The following MXD1 variants were observed in gnomAD, a reference collection of about 807,000 sequenced individuals.
The protein encoded by MXD1 is MAX-binding protein.
MXD1 carries 9 observed loss-of-function variants against 25.7 expected under a neutral mutation model. The ratio of observed to expected loss-of-function variants is 0.35; its 90% CI spans 0.21 to 0.61. The LOEUF is 0.61. Among genes scored for constraint, MXD1 ranks in the 20% least tolerant of loss-of-function variants. The probability of loss-of-function intolerance (pLI) is 0.75; values close to 1 mark genes in which losing one functional copy is unlikely to be tolerated. For synonymous variants in MXD1, 99 were observed against 113.9 expected (o/e 0.87, Z 0.83); for missense variants, 227 against 292.4 (o/e 0.78, Z 1.63).
chr2:69,937,340 C>T lies in MXD1; in HGVS notation c.424C>T (p.Arg142Trp), dbSNP rs753694225. Residue 142 changes from arginine (R) to tryptophan (W), a missense_variant, in exon 5 of 6, where the codon CGG (arginine) becomes TGG (tryptophan). Arg to Trp is a moderately radical substitution (Grantham distance 101). Transcript: ENST00000264444. ...QLEKLGIERI[R>W]MDSIGSTVSS... is the part of the protein sequence containing the mutation. ...GGAGAAGCTGGGCATTGAGAGGATCCGGATGGACAGCATCGGCTCCACCGT... is the reference window on the plus strand; with the variant it reads ...GGAGAAGCTGGGCATTGAGAGGATCTGGATGGACAGCATCGGCTCCACCGT... 5 of 1,614,044 alleles carry T rather than the reference C, an allele frequency of 3.1e-6. No homozygotes were observed. The highest frequency in any genetic ancestry group is 4.5e-5 in the East Asian group (2 of 44,872).
At chr2:69,937,958 G>A (rs1558573629) in intron 5 of MXD1, 139 bp from the exon 6 acceptor site, 3 of 741,248 alleles carry the variant, frequency 4.0e-6, no homozygotes, top group East Asian at 5.6e-5. Context: ...TGTTGGCCCA[G>A]CTGGTCTCAA....
intron 3 of MXD1, among the ~76,000 whole-genome samples, chr2:69,926,279 T>C (rs1677168311): frequency 6.6e-6 from 1 of 152,166 alleles, no homozygotes. Flanking sequence ...TCTAGACTTA[T>C]TCTTCCAGTC....
At chr2:69,935,674 A>T (rs1375634994) in intron 4 of MXD1, among the ~76,000 whole-genome samples, 1 of 152,108 alleles carries the variant, frequency 6.6e-6, no homozygotes, top group Non-Finnish European at 1.5e-5. Flanking sequence ...CCAACTCTCC[A>T]TCCAGTTGTA....
rs78025009 is a variant in MXD1, at chr2:69,923,490, T to C, written c.203+1725T>C. ...TGAAAGTCAGGATCTGAATGATATT[T>C]ATGTTTAATCAGTGAAAGGGCAGAC... is the stretch of plus-strand genomic sequence containing the variant. On this transcript the variant is annotated intron_variant, in intron 3 of 5. Transcript: ENST00000264444. Among the ~76,000 whole-genome samples, 665 of 152,314 alleles carry C rather than the reference T, an allele frequency of 4.4e-3. 4 individuals carry two copies. The highest frequency in any genetic ancestry group is 0.015 in the African/African-American group (640 of 41,562).
intron 3 of MXD1, among the ~76,000 whole-genome samples, chr2:69,927,001 A>C (rs1355143029): frequency 6.6e-6 from 1 of 152,198 alleles, no homozygotes; most frequent in Non-Finnish European, 1.5e-5. Context: ...CCTCTGCCAG[A>C]GTCTTCTGAC....
rs1412831090 is a variant in MXD1, at chr2:69,938,511, A to T, written c.*227A>T. On this transcript the variant is annotated 3_prime_UTR_variant, in exon 6 of 6. Transcript: ENST00000264444. ...TAAAAATTTGTCTCTGAGAGACTAT[A>T]CATTCCAATCAATTTGAAGCATCCA... 5 of 506,492 alleles carry T rather than the reference A, an allele frequency of 9.9e-6. No homozygotes were observed. The Admixed American group carries it at 1.7e-4, about 18-fold the overall frequency. The allele number at this position is 506,492 out of a possible 1,614,324, so 31.4% of individuals were successfully genotyped here. A position where few individuals can be genotyped will look rare whatever the true frequency, so the allele number is the denominator to read the frequency against.
intron 3 of MXD1, among the ~76,000 whole-genome samples, chr2:69,925,181 T>C (rs1677146556): frequency 2.6e-5 from 4 of 152,102 alleles, no homozygotes; most frequent in African/African-American, 9.7e-5. Flanking sequence ...ATGGCCTGTG[T>C]TTCTCTGCAT....
chr2:69,917,367 C>T (rs1371244646), intron 2 of MXD1, among the ~76,000 whole-genome samples: 1 of 152,218 alleles, frequency 6.6e-6, no homozygotes, highest in Non-Finnish European at 1.5e-5. Flanking sequence ...CCCACCTTAG[C>T]ATTACCTGAA....
chr2:69,916,512 A>G, intron 2 of MXD1: 1 of 241,918 alleles, frequency 4.1e-6, no homozygotes, highest in East Asian at 1.2e-4. Flanking sequence ...TTCAAGTGAG[A>G]TTAGCAATGG....
At chr2:69,937,034 C>T in intron 4 of MXD1, 1 of 717,510 alleles carries the variant, frequency 1.4e-6, no homozygotes, top group Non-Finnish European at 2.6e-6. Flanking sequence ...GTACCCCCAG[C>T]ACTGGCGATG....
At chr2:69,920,081 G>C (rs1028954403) in intron 2 of MXD1, among the ~76,000 whole-genome samples, 3 of 152,166 alleles carry the variant, frequency 2.0e-5, no homozygotes, top group African/African-American at 7.2e-5. Context: ...CACGATCTCA[G>C]CTCACTGCAA....
At chr2:69,926,835 T>A (rs773531708) in intron 3 of MXD1, among the ~76,000 whole-genome samples, 79 of 152,324 alleles carry the variant, frequency 5.2e-4, no homozygotes, top group Non-Finnish European at 9.4e-4. Context: ...AGCAAACACA[T>A]ATAAGCTACA....
At chr2:69,938,059 G>T in intron 5 of MXD1, 38 bp from the exon 6 acceptor site, 4 of 1,596,742 alleles carry the variant, frequency 2.5e-6, no homozygotes, top group Non-Finnish European at 3.4e-6. Flanking sequence ...TCTGCAGAGC[G>T]CTTTCATCAA....
rs528810377 is a variant in MXD1, at chr2:69,933,218, A to C, written c.204-2133A>C. On this transcript the variant is annotated intron_variant, in intron 3 of 5. Transcript: ENST00000264444. ...TCTGTCTCAAAAAAAAAAAAAAAAAAAAAAAACAAAAAAAGAAAATTAGTC... is the reference window on the plus strand; with the variant it reads ...TCTGTCTCAAAAAAAAAAAAAAAAACAAAAAACAAAAAAAGAAAATTAGTC... 4.3e-3 allele frequency among the ~76,000 whole-genome samples: 656 copies of C among 151,338 alleles called. 7 individuals carry two copies. Among genetic ancestry groups the C allele is most frequent in the African/African-American group, 0.013 (523 of 41,294 alleles).
rs968384555 is a variant in MXD1, at chr2:69,940,488, T to C, written c.*2204T>C. ...ACTGGGGGAGGGAAGGGAACAAAAT[T>C]TGTGTACTTCTTTGTTTAATTTAGA... On this transcript the variant is annotated 3_prime_UTR_variant, in exon 6 of 6. Coordinates refer to ENST00000264444, the MANE Select transcript of MXD1 (RefSeq NM_002357.4). The C allele has an allele frequency of 6.6e-6, 1 of 152,562 alleles. No homozygotes were observed. The highest frequency in any genetic ancestry group is 2.1e-4 in the South Asian group (1 of 4,834). 9.5% of individuals were successfully genotyped at this position (152,562 alleles called of 1,614,324 possible). A position where few individuals can be genotyped will look rare whatever the true frequency, so the allele number is the denominator to read the frequency against.
chr2:69,915,575 C>T lies in MXD1; in HGVS notation c.73+172C>T, dbSNP rs2104152389. Among the ~76,000 whole-genome samples, 1 of 152,322 alleles carries T rather than the reference C, an allele frequency of 6.6e-6. No homozygotes were observed. On this transcript the variant is annotated intron_variant, in intron 1 of 5. Transcript: ENST00000264444. This position sits in a 1 kb window ranked among gnomAD's most constrained non-coding sequence, Gnocchi z 5.8. ...CGGTCCGAAGGGAAGCCGCCGCTGC[C>T]CCAAAGCAATGAATGGGGTGGAGAA... is the stretch of plus-strand genomic sequence containing the variant.
In MXD1 at chr2:69,915,556, G is replaced by A. The variant is rs564302289; in HGVS notation, c.73+153G>A. On this transcript the variant is annotated intron_variant, in intron 1 of 5. Transcript: ENST00000264444. The surrounding 1 kb of genome is among the most constrained non-coding windows in gnomAD (Gnocchi z 5.8). ...CTCTGGCTCTCCCCACGCGCGGTCC[G>A]AAGGGAAGCCGCCGCTGCCCCAAAG... Among the ~76,000 whole-genome samples the A allele has an allele frequency of 2.0e-5, 3 of 152,314 alleles. No homozygotes were observed. In the East Asian group the frequency reaches 5.8e-4, roughly 29 times the overall value.
At chr2:69,919,728 T>C (rs975704142) in intron 2 of MXD1, among the ~76,000 whole-genome samples, 72 of 152,242 alleles carry the variant, frequency 4.7e-4, no homozygotes, top group African/African-American at 1.7e-3. Context: ...AGGTTTGCAG[T>C]ATATGCCAGA....
intron 2 of MXD1, among the ~76,000 whole-genome samples, chr2:69,918,633 G>A (rs1250201533): frequency 1.3e-5 from 2 of 152,204 alleles, no homozygotes; most frequent in Non-Finnish European, 2.9e-5. Context: ...TTATAAGACA[G>A]TGGCTAGAGT....
Sources: gnomAD v4.1 joint callset for allele counts (sites outside exome capture counted in the v4.1 genomes callset) on GRCh38, gnomAD v4.1.1 for gene constraint, Gnocchi (gnomAD v3.1) non-coding constraint, MANE v1.5 for transcripts, NCBI Gene and HGNC (gene_info 2026-07-23, HGNC 2026-07-21) for gene names.